Variants in MRPL1 observed in about 807,000 individuals in gnomAD.
The protein encoded by MRPL1 is mitochondrial ribosomal protein L1.
Under a neutral mutation model 38.0 loss-of-function variants are expected in MRPL1, and 28 were observed. That is an observed-to-expected ratio of 0.74 (90% CI 0.55 to 1.01). The LOEUF is 1.01. Among genes scored for constraint, MRPL1 ranks in the 50% least tolerant of loss-of-function variants. The pLI is 0.00. For missense variants in MRPL1, 358 were observed against 389.8 expected (o/e 0.92, Z 0.69); for synonymous variants, 123 against 126.7 (o/e 0.97, Z 0.20).
At chr4:77,934,488 A>C (rs963650197) in intron 7 of MRPL1, among the ~76,000 whole-genome samples, 1 of 152,194 alleles carries the variant, frequency 6.6e-6, no homozygotes, top group Non-Finnish European at 1.5e-5. Context: ...TCACAATGAG[A>C]TACCCCTTCA....
intron 7 of MRPL1, among the ~76,000 whole-genome samples, chr4:77,932,524 A>G (rs1736871445): frequency 1.3e-5 from 2 of 152,128 alleles, no homozygotes; most frequent in Admixed American, 1.3e-4. Flanking sequence ...AAAGCACTGG[A>G]AAGCCTGCTT....
intron 1 of MRPL1, among the ~76,000 whole-genome samples, chr4:77,866,471 G>T (rs759780131): frequency 1.3e-5 from 2 of 151,998 alleles, no homozygotes; most frequent in Non-Finnish European, 2.9e-5. Context: ...TGTACATGTG[G>T]CTTACATTAT....
At chr4:77,903,931 GA>G (rs756616079) in intron 6 of MRPL1, among the ~76,000 whole-genome samples, 36 of 152,112 alleles carry the variant, frequency 2.4e-4, no homozygotes, top group Admixed American at 3.9e-4. Flanking sequence ...TGGAAATAAA[GA>G]GAACCTAGAA....
intron 7 of MRPL1, among the ~76,000 whole-genome samples, chr4:77,923,097 T>C (rs1736618704): frequency 6.6e-6 from 1 of 152,186 alleles, no homozygotes; most frequent in Non-Finnish European, 1.5e-5. Flanking sequence ...TTGTTATTTA[T>C]CTATTTATTT....
At chr4:77,893,242 G>A (rs966124448) in intron 5 of MRPL1, among the ~76,000 whole-genome samples, 7 of 152,080 alleles carry the variant, frequency 4.6e-5, no homozygotes, top group African/African-American at 1.4e-4. Context: ...TCAGCCTCCC[G>A]GTTACCTGGG....
intron 2 of MRPL1, among the ~76,000 whole-genome samples, chr4:77,881,347 A>T (rs905226519): frequency 6.6e-6 from 1 of 151,970 alleles, no homozygotes; most frequent in East Asian, 1.9e-4. Context: ...TTCTGATCTT[A>T]GTTAATGATT....
At chr4:77,919,908 GT>G (rs1202956349) in intron 7 of MRPL1, among the ~76,000 whole-genome samples, 2 of 151,708 alleles carry the variant, frequency 1.3e-5, no homozygotes, top group Non-Finnish European at 2.9e-5. Context: ...GCTGAATCCA[GT>G]TGGGTAGAGT....
intron 7 of MRPL1, among the ~76,000 whole-genome samples, chr4:77,914,847 A>C (rs1486209597): frequency 6.6e-6 from 1 of 152,164 alleles, no homozygotes; most frequent in Non-Finnish European, 1.5e-5. Flanking sequence ...TAAAAGGAAG[A>C]TATCTAGAAC....
At chr4:77,946,767 TCA>T in intron 7 of MRPL1, among the ~76,000 whole-genome samples, 1 of 152,338 alleles carries the variant, frequency 6.6e-6, no homozygotes, top group South Asian at 2.1e-4. Flanking sequence ...GTAGTGGTTC[TCA>T]GAGTGTGGTC....
At chr4:77,904,330 A>G (rs913153434) in intron 6 of MRPL1, among the ~76,000 whole-genome samples, 3 of 152,092 alleles carry the variant, frequency 2.0e-5, no homozygotes, top group Non-Finnish European at 4.4e-5. Flanking sequence ...GAGGCAGGTG[A>G]ATCACTTGAG....
chr4:77,908,821 C>T lies in MRPL1; in HGVS notation c.671-445C>T, dbSNP rs542852128. ...GTGGTTTCATCTTAGACTCAATGGG[C>T]GATGGATCTGCTTGCAGACTTACAC... On this transcript the variant is annotated intron_variant, in intron 6 of 8. Transcript: ENST00000315567. 3.3e-5 allele frequency among the ~76,000 whole-genome samples: 5 copies of T among 152,242 alleles called. No individual in the cohort carries two copies. The East Asian group carries it at 7.7e-4, about 24-fold the overall frequency.
intron 6 of MRPL1, among the ~76,000 whole-genome samples, chr4:77,905,764 T>G (rs1211921561): frequency 6.6e-6 from 1 of 152,184 alleles, no homozygotes; most frequent in Admixed American, 6.5e-5. Context: ...AGACCTTCAC[T>G]TTAGTATGTT....
chr4:77,925,499 G>A (rs1368707323), intron 7 of MRPL1, among the ~76,000 whole-genome samples: 1 of 151,700 alleles, frequency 6.6e-6, no homozygotes, highest in Non-Finnish European at 1.5e-5. Context: ...CCGCCACTAT[G>A]CCCGGCTAAG....
chr4:77,869,910 A>G (rs1048464280), intron 1 of MRPL1, among the ~76,000 whole-genome samples: 1 of 151,508 alleles, frequency 6.6e-6, no homozygotes, highest in Admixed American at 6.6e-5. Flanking sequence ...TTTTTGAGAC[A>G]GGGTTCCTGT....
At chr4:77,918,206 C>T (rs567030511) in intron 7 of MRPL1, among the ~76,000 whole-genome samples, 3 of 152,108 alleles carry the variant, frequency 2.0e-5, no homozygotes, top group South Asian at 2.1e-4. Context: ...GATAAAGGGT[C>T]GTTCGTATTT....
chr4:77,922,760 C>T (rs1301854371), intron 7 of MRPL1, among the ~76,000 whole-genome samples: 1 of 152,108 alleles, frequency 6.6e-6, no homozygotes, highest in African/African-American at 2.4e-5. Context: ...AATGAAGTTG[C>T]TTCTAATTGA....
At chr4:77,947,420 A>C (rs1737296395) in intron 7 of MRPL1, among the ~76,000 whole-genome samples, 1 of 152,262 alleles carries the variant, frequency 6.6e-6, no homozygotes, top group Admixed American at 6.5e-5. Context: ...GGTGCTTAAC[A>C]TAGTCCTATA....
chr4:77,952,509 T>G lies in MRPL1; in HGVS notation c.880T>G (p.Phe294Val). ...LNLGPFVVRA[F>V]LRSSTSEGLL... ...TCCAGGTCCCTTTGTGGTACGTGCT[T>G]TCCTTCGTAGTTCAACAAGTGAAGG... The change falls in exon 9 of 9, where the codon TTC becomes GTC. Residue 294 changes from phenylalanine to valine, a missense_variant. Transcript: ENST00000315567. The G allele has an allele frequency of 6.2e-7, 1 of 1,613,052 alleles. No individual in the cohort carries two copies. Among genetic ancestry groups the G allele is most frequent in the Non-Finnish European group, 8.5e-7 (1 of 1,179,532 alleles).
chr4:77,943,723 T>G (rs6810599), intron 7 of MRPL1, among the ~76,000 whole-genome samples: 11,475 of 152,150 alleles, frequency 0.075, 772 homozygotes, highest in African/African-American at 0.18. Context: ...TCCGGAAGTT[T>G]TGATTATTTT....
Sources: allele counts gnomAD v4.1 joint callset (sites outside exome capture counted in the v4.1 genomes callset), GRCh38; gene constraint gnomAD v4.1.1; transcripts MANE v1.5; gene names NCBI Gene and HGNC (gene_info 2026-07-23, HGNC 2026-07-21).